PTPRD: variants seen among roughly 807,000 people sequenced by gnomAD.
PTPRD encodes receptor-type tyrosine-protein phosphatase delta.
A neutral mutation model predicts 214.5 loss-of-function variants in PTPRD; 34 were observed. That is an observed-to-expected ratio of 0.16 (90% confidence interval 0.12 to 0.21). The LOEUF (loss-of-function observed/expected upper bound fraction) is 0.21. Ranked by LOEUF, PTPRD falls within the 10% of genes least tolerant of loss-of-function variation. The pLI is 1.00. For missense variants in PTPRD, 2,545 were observed against 2,398.7 expected, an observed-to-expected ratio of 1.06 and a Z score of -1.27; for synonymous variants, 1,128 against 845.7, an observed-to-expected ratio of 1.33 and a Z score of -5.79.
intron 9 of PTPRD, among the ~76,000 whole-genome samples, chr9:9,382,291 T>G (rs1041498879): frequency 1.1e-4 from 16 of 152,142 alleles, no homozygotes; most frequent in African/African-American, 3.6e-4. Context: ...AAAAACTTCT[T>G]GACATTGGTT....
chr9:9,293,393 T>C (rs1044176787), intron 9 of PTPRD, among the ~76,000 whole-genome samples: 3 of 151,224 alleles, frequency 2.0e-5, no homozygotes, highest in Non-Finnish European at 4.4e-5. Context: ...TTTGTTCTTT[T>C]TTTTTTTGCA....
At chr9:9,977,458 T>C (rs912488067) in intron 4 of PTPRD, among the ~76,000 whole-genome samples, 1 of 152,136 alleles carries the variant, frequency 6.6e-6, no homozygotes, top group Non-Finnish European at 1.5e-5. Context: ...TATGTTTAAG[T>C]TTTTAATGTT....
rs77241342 is a variant in PTPRD, at chr9:10,512,512, G to C, written c.-600+99886C>G. Among the ~76,000 whole-genome samples the C allele has an allele frequency of 7.7e-3, 1,167 of 152,218 alleles. 19 individuals carry two copies. The highest frequency in any genetic ancestry group is 0.027 in the African/African-American group (1,113 of 41,534). On this transcript the variant is annotated intron_variant, in intron 2 of 45. Coordinates refer to ENST00000381196, the MANE Select transcript of PTPRD (RefSeq NM_002839.4). ...TCCATAAGTATGCGGTGGTGGGTTG[G>C]GGGGAATGGAGCTTAGACAAATGAT...
chr9:9,476,067 T>C (rs2146804918), intron 8 of PTPRD, among the ~76,000 whole-genome samples: 1 of 152,236 alleles, frequency 6.6e-6, no homozygotes, highest in Middle Eastern at 3.4e-3. Context: ...AATATGAGAA[T>C]TGAAGTTGAG....
Position 9,261,866 on chromosome 9 carries a change from AG to A in PTPRD, c.-202-78504del, listed in dbSNP as rs34791311. 5.3e-5 allele frequency among the ~76,000 whole-genome samples: 8 copies of A among 151,814 alleles called. No individual in the cohort carries two copies. In the South Asian group the frequency reaches 1.7e-3, roughly 31 times the overall value. On this transcript the variant is annotated intron_variant, in intron 9 of 45. Coordinates refer to ENST00000381196, the MANE Select transcript of PTPRD (RefSeq NM_002839.4). ...GTGAGAAAGAATAAACTTTGTAAAAAGGTAAATATCACCACTTATTTAATTA... is the reference window on the plus strand; with the variant it reads ...GTGAGAAAGAATAAACTTTGTAAAAAGTAAATATCACCACTTATTTAATTA...
At chr9:10,223,719 G>C (rs1295390264) in intron 3 of PTPRD, among the ~76,000 whole-genome samples, 2 of 143,184 alleles carry the variant, frequency 1.4e-5, no homozygotes, top group African/African-American at 5.1e-5. Context: ...TAATAAAGTA[G>C]AGTAGTTAAA....
intron 3 of PTPRD, among the ~76,000 whole-genome samples, chr9:10,285,605 CTTTT>C (rs34225956): frequency 9.6e-6 from 1 of 104,064 alleles, no homozygotes. Flanking sequence ...GGGGTCTCAT[CTTTT>C]TTTTTTTTTT....
At chr9:9,264,417 A>G (rs1180523950) in intron 9 of PTPRD, among the ~76,000 whole-genome samples, 1 of 151,668 alleles carries the variant, frequency 6.6e-6, no homozygotes, top group Admixed American at 6.6e-5. Flanking sequence ...TGTCAAAGGC[A>G]TACTTAATGA....
rs1330606169 is a variant in PTPRD, at chr9:9,496,954, A to G, written c.-237+77778T>C. 3.3e-5 allele frequency among the ~76,000 whole-genome samples: 5 copies of G among 152,308 alleles called. No homozygotes were observed. In the East Asian group the frequency reaches 9.6e-4, roughly 29 times the overall value. On this transcript the variant is annotated intron_variant, in intron 8 of 45. Transcript: ENST00000381196. Reference sequence around the variant, plus strand: ...AATTCTGACATATGCTACAACATGGATTTTGAGGACATTATCCTAAATGAA... The same window carrying G: ...AATTCTGACATATGCTACAACATGGGTTTTGAGGACATTATCCTAAATGAA...
At chr9:8,584,636 T>C (rs10977217) in intron 14 of PTPRD, among the ~76,000 whole-genome samples, 3,542 of 152,280 alleles carry the variant, frequency 0.023, 108 homozygotes, top group East Asian at 0.14. Context: ...TCCAATGTTC[T>C]AGAGACTCTG....
intron 11 of PTPRD, among the ~76,000 whole-genome samples, chr9:8,998,830 A>G (rs1449612665): frequency 1.3e-5 from 2 of 152,048 alleles, no homozygotes; most frequent in Non-Finnish European, 2.9e-5. Context: ...TAATAGTTTG[A>G]AAGTTAATGG....
At chr9:10,106,617 A>G (rs1005687391) in intron 3 of PTPRD, among the ~76,000 whole-genome samples, 2 of 151,954 alleles carry the variant, frequency 1.3e-5, no homozygotes, top group Non-Finnish European at 2.9e-5. Context: ...TTGGGTTATG[A>G]GAGGACCATC....
chr9:9,297,599 C>A (rs983968351), intron 9 of PTPRD, among the ~76,000 whole-genome samples: 1 of 151,236 alleles, frequency 6.6e-6, no homozygotes, highest in African/African-American at 2.4e-5. Flanking sequence ...ATAATTAATC[C>A]CAGAAATATA....
At chr9:10,209,282 T>C (rs116470593) in intron 3 of PTPRD, among the ~76,000 whole-genome samples, 2,202 of 152,304 alleles carry the variant, frequency 0.014, 46 homozygotes, top group African/African-American at 0.046. Flanking sequence ...CACTAATCCA[T>C]GGTTTATAGC....
chr9:9,895,714 G>C (rs1006296490), intron 5 of PTPRD, among the ~76,000 whole-genome samples: 1 of 151,990 alleles, frequency 6.6e-6, no homozygotes, highest in Non-Finnish European at 1.5e-5. Context: ...TTGAAAAATG[G>C]TAAGAATGAG....
intron 9 of PTPRD, among the ~76,000 whole-genome samples, chr9:9,249,187 C>A (rs2099974366): frequency 6.6e-6 from 1 of 151,854 alleles, no homozygotes; most frequent in Admixed American, 6.6e-5. Flanking sequence ...AAGAGTCCAG[C>A]ATCTTCTCCT....
intron 4 of PTPRD, among the ~76,000 whole-genome samples, chr9:10,000,903 G>T (rs950102257): frequency 6.6e-6 from 1 of 152,112 alleles, no homozygotes; most frequent in African/African-American, 2.4e-5. Context: ...GGGAGGGTCA[G>T]GTTTTTCTGG....
chr9:9,858,366 T>G (rs1043189448), intron 5 of PTPRD, among the ~76,000 whole-genome samples: 1 of 152,184 alleles, frequency 6.6e-6, no homozygotes, highest in Non-Finnish European at 1.5e-5. Context: ...AAATAGTGCC[T>G]GTGACTTCAA....
At chr9:10,536,184 A>T (rs542832232) in intron 2 of PTPRD, among the ~76,000 whole-genome samples, 4 of 152,100 alleles carry the variant, frequency 2.6e-5, no homozygotes, top group Non-Finnish European at 5.9e-5. Context: ...TCCAAATATT[A>T]CTGTGATACA....
Sources: gnomAD v4.1 joint callset for allele counts (sites outside exome capture counted in the v4.1 genomes callset) on GRCh38, gnomAD v4.1.1 for gene constraint, MANE v1.5 for transcripts, NCBI Gene and HGNC (gene_info 2026-07-23, HGNC 2026-07-21) for gene names.